APOO: variants seen among roughly 807,000 people sequenced by gnomAD.
The protein encoded by APOO is apolipoprotein O.
In APOO, 11 loss-of-function variants were observed where a neutral mutation model predicts 23.1. The ratio of observed to expected loss-of-function variants is 0.48; its 90% CI spans 0.30 to 0.79. APOO has a LOEUF of 0.79. Ranked by LOEUF, APOO falls within the 30% of genes least tolerant of loss-of-function variation. APOO has a pLI of 0.07. For missense variants in APOO, 160 were observed against 142.7 expected (o/e 1.12, Z -0.62); for synonymous variants, 59 against 54.8 (o/e 1.08, Z -0.34).
intron 1 of APOO, among the ~76,000 whole-genome samples, chrX:23,889,955 CT>C (rs1926578726): frequency 9.0e-6 from 1 of 110,683 alleles, no homozygotes. Context: ...GCCACCGCGC[CT>C]GGCCCACCTG....
At chrX:23,874,481 A>T in intron 3 of APOO, 24 bp from the exon 4 acceptor site, 1 of 1,152,474 alleles carries the variant, frequency 8.7e-7, no homozygotes, top group Non-Finnish European at 1.2e-6. Flanking sequence ...AAGAAACTGA[A>T]TGAAACTATT....
chrX:23,843,462 T>A (rs1924087683), intron 7 of APOO, among the ~76,000 whole-genome samples: 1 of 111,594 alleles, frequency 9.0e-6, no homozygotes, highest in South Asian at 3.7e-4. Flanking sequence ...GAAATCATTT[T>A]TTTTTGCATT....
chrX:23,844,656 C>T (rs976451276), intron 7 of APOO, among the ~76,000 whole-genome samples: 3 of 111,536 alleles, frequency 2.7e-5, no homozygotes, highest in African/African-American at 9.8e-5. Flanking sequence ...AAAGAAATTC[C>T]CCCCTAGGGC....
chrX:23,905,561 T>C (rs995888211), intron 1 of APOO, among the ~76,000 whole-genome samples: 3 of 110,760 alleles, frequency 2.7e-5, no homozygotes, highest in Non-Finnish European at 5.7e-5. Flanking sequence ...TAAATTTAAG[T>C]GTCCCGTCTG....
At chrX:23,903,690 A>T (rs983612685) in intron 1 of APOO, among the ~76,000 whole-genome samples, 6 of 112,364 alleles carry the variant, frequency 5.3e-5, no homozygotes, top group African/African-American at 1.9e-4. Flanking sequence ...GACATAAAGA[A>T]CAACCCCATT....
At chrX:23,881,984 C>A (rs1331730424) in intron 1 of APOO, among the ~76,000 whole-genome samples, 1 of 106,531 alleles carries the variant, frequency 9.4e-6, no homozygotes, top group Admixed American at 1.0e-4. Flanking sequence ...AAATTCAGAC[C>A]CCTCCTGCGA....
At chrX:23,844,395 A>G (rs1924137799) in intron 7 of APOO, among the ~76,000 whole-genome samples, 1 of 111,343 alleles carries the variant, frequency 9.0e-6, no homozygotes, top group Non-Finnish European at 1.9e-5. Context: ...ATTGGAATTA[A>G]GTTTACTAAT....
At chrX:23,860,981 A>T (rs1569232018) in intron 5 of APOO, among the ~76,000 whole-genome samples, 1 of 110,670 alleles carries the variant, frequency 9.0e-6, no homozygotes, top group East Asian at 2.9e-4. Flanking sequence ...CTCTACAAAA[A>T]ATTAAAAAAT....
In APOO at chrX:23,837,218, G is replaced by T. The variant is rs771355954; in HGVS notation, c.*29+3095C>A. On this transcript the variant is annotated intron_variant, in intron 8 of 8. Transcript: ENST00000379226. ...ACATTGATGTGATTGAAGTCCCTCCGCAGGGTTCCTCTGGGGCCCTTCACG... is the reference window on the plus strand; with the variant it reads ...ACATTGATGTGATTGAAGTCCCTCCTCAGGGTTCCTCTGGGGCCCTTCACG... 4.4e-5 allele frequency: 39 copies of T among 889,769 alleles called. No homozygotes were observed. The African/African-American group carries it at 6.5e-4, about 15-fold the overall frequency. 73.3% of individuals were successfully genotyped at this position (889,769 alleles called of 1,213,427 possible). A position where few individuals can be genotyped will look rare whatever the true frequency, so the allele number is the denominator to read the frequency against.
At chrX:23,876,691 C>G (rs989382823) in intron 3 of APOO, among the ~76,000 whole-genome samples, 62 of 111,144 alleles carry the variant, frequency 5.6e-4, no homozygotes, top group African/African-American at 1.9e-3. Flanking sequence ...CCCAGCCACT[C>G]AGGAAGCTGA....
chrX:23,885,121 G>A (rs1371466634), intron 1 of APOO, among the ~76,000 whole-genome samples: 1 of 109,979 alleles, frequency 9.1e-6, no homozygotes, highest in African/African-American at 3.3e-5. Context: ...CAGTAAGGCC[G>A]GGTGCGGTGG....
intron 1 of APOO, among the ~76,000 whole-genome samples, chrX:23,890,118 A>G (rs1926588448): frequency 8.9e-6 from 1 of 112,139 alleles, no homozygotes; most frequent in African/African-American, 3.2e-5. Flanking sequence ...TATTCAACTT[A>G]AGTTTGTATA....
chrX:23,866,245 C>T (rs1925330432), intron 5 of APOO, among the ~76,000 whole-genome samples: 1 of 111,976 alleles, frequency 8.9e-6, no homozygotes, highest in African/African-American at 3.2e-5. Flanking sequence ...CAATCTCAAA[C>T]GCTATCTAAA....
rs1340618914 is a variant in APOO at position 23,868,662 on chromosome X, G to A, written c.319C>T (p.Pro107Ser). 8.3e-7 allele frequency: 1 copy of A among 1,208,574 alleles called. No individual in the cohort carries two copies. Among genetic ancestry groups the A allele is most frequent in the South Asian group, 1.8e-5 (1 of 56,733 alleles). Reference protein sequence around the residue: ...LDSYDYLQNAPPGFFPRLGVI... With the variant: ...LDSYDYLQNASPGFFPRLGVI... ...CCAAGTCTCGGAAAAAATCCAGGAG[G>A]TGCATTTTGGAGATAGTCATAGCTG... The change falls in exon 5 of 9, where the codon CCT becomes TCT. Residue 107 changes from proline to serine, a missense_variant. By Grantham distance (74) the Pro-to-Ser change is moderately conservative. Transcript: ENST00000379226.
Position 23,907,706 on chromosome X carries a change from G to A in APOO, c.-4C>T, listed in dbSNP as rs1221635704. 1.7e-6 allele frequency: 2 copies of A among 1,159,748 alleles called. No individual in the cohort carries two copies. Among genetic ancestry groups the A allele is most frequent in the Admixed American group, 5.3e-5 (2 of 37,978 alleles). On this transcript the variant is annotated 5_prime_UTR_variant, in exon 1 of 9. Coordinates refer to ENST00000379226, the MANE Select transcript of APOO (RefSeq NM_024122.5). ...TCCACGCTCTCACCTTGAACATGTC[G>A]CTGGCAGCGGAGGCTCCGGCAGGGT...
chrX:23,891,912 C>T (rs1926672623), intron 1 of APOO, among the ~76,000 whole-genome samples: 1 of 107,216 alleles, frequency 9.3e-6, no homozygotes, highest in Non-Finnish European at 1.9e-5. Flanking sequence ...ATATATAATA[C>T]TTTATGTATT....
intron 2 of APOO, among the ~76,000 whole-genome samples, chrX:23,880,612 T>C (rs1601924557): frequency 9.1e-6 from 1 of 110,037 alleles, no homozygotes; most frequent in Non-Finnish European, 1.9e-5. Context: ...GGCAGGAGAA[T>C]GGCTTGAACC....
intron 5 of APOO, among the ~76,000 whole-genome samples, chrX:23,861,342 T>G (rs1408778736): frequency 9.1e-6 from 1 of 109,639 alleles, no homozygotes; most frequent in Non-Finnish European, 1.9e-5. Context: ...CTCGCACTCT[T>G]GCCATGTGAG....
At chrX:23,888,670 C>T in intron 1 of APOO, among the ~76,000 whole-genome samples, 1 of 109,430 alleles carries the variant, frequency 9.1e-6, no homozygotes, top group Non-Finnish European at 1.9e-5. Flanking sequence ...GGCCAACACA[C>T]TGAAACTCCA....
Sources: gnomAD v4.1 joint callset for allele counts (sites outside exome capture counted in the v4.1 genomes callset) on GRCh38, gnomAD v4.1.1 for gene constraint, MANE v1.5 for transcripts, NCBI Gene and HGNC (gene_info 2026-07-23, HGNC 2026-07-21) for gene names.